The following BANP variants were observed in gnomAD, a reference collection of about 807,000 sequenced individuals.
The protein encoded by BANP is protein BANP.
Under a neutral mutation model 68.1 loss-of-function variants are expected in BANP, and 11 were observed. That is an observed-to-expected ratio of 0.16 (90% confidence interval 0.10 to 0.27). BANP has a LOEUF of 0.27. BANP is among the 10% of genes least tolerant of loss of function. The probability of loss-of-function intolerance (pLI) is 1.00; values close to 1 mark genes in which losing one functional copy is unlikely to be tolerated. For missense variants in BANP, 504 were observed against 722.7 expected, an observed-to-expected ratio of 0.70 and a Z score of 3.47; for synonymous variants, 329 against 303.2, an observed-to-expected ratio of 1.09 and a Z score of -0.88.
chr16:87,975,492 G>A lies in BANP; in HGVS notation c.70+307G>A, dbSNP rs529928160. On this transcript the variant is annotated intron_variant, in intron 2 of 13. Transcript: ENST00000682872. ...CCCCTGCCGCGTCCCTGTGTGCGGCGTCGTGGATCTTTACCATGTTGTATG... is the reference window on the plus strand; with the variant it reads ...CCCCTGCCGCGTCCCTGTGTGCGGCATCGTGGATCTTTACCATGTTGTATG... Among the ~76,000 whole-genome samples the A allele has an allele frequency of 5.3e-5, 8 of 152,306 alleles. No individual in the cohort carries two copies. The East Asian group carries it at 5.8e-4, about 11-fold the overall frequency.
intron 7 of BANP, among the ~76,000 whole-genome samples, chr16:88,025,373 G>C (rs2076791357): frequency 6.6e-6 from 1 of 152,218 alleles, no homozygotes; most frequent in Admixed American, 6.5e-5. Flanking sequence ...TGCTCAGCCT[G>C]GGGCTTCCTG....
chr16:88,046,882 C>G (rs987375125), intron 11 of BANP, among the ~76,000 whole-genome samples: 1 of 151,748 alleles, frequency 6.6e-6, no homozygotes, highest in Non-Finnish European at 1.5e-5. Context: ...CTGGCTAACA[C>G]GGTGAAACCC....
intron 6 of BANP, among the ~76,000 whole-genome samples, chr16:88,016,308 C>G (rs575980740): frequency 2.0e-5 from 3 of 152,360 alleles, no homozygotes; most frequent in South Asian, 4.1e-4. Flanking sequence ...ACTGTCCTCC[C>G]ACATCTTGGG....
At chr16:87,997,715 G>A (rs1361566422) in intron 4 of BANP, among the ~76,000 whole-genome samples, 1 of 152,112 alleles carries the variant, frequency 6.6e-6, no homozygotes, top group East Asian at 1.9e-4. Context: ...CAGGATAGCT[G>A]GGTGAGACCA....
intron 1 of BANP, among the ~76,000 whole-genome samples, chr16:87,961,969 G>A (rs1409653196): frequency 1.3e-5 from 2 of 152,170 alleles, no homozygotes; most frequent in Non-Finnish European, 1.5e-5. Context: ...GCTGGGCGCA[G>A]TGGCTCATTC....
chr16:88,071,341 G>A lies in BANP; in HGVS notation c.1378-728G>A. On this transcript the variant is annotated intron_variant, in intron 12 of 13. Transcript: ENST00000682872. This position sits in a 1 kb window ranked among gnomAD's most constrained non-coding sequence, Gnocchi z 6.5. Reference sequence around the variant, plus strand: ...TGACACCGGAGCTGCCTGCCTGGATGTTGGAGCGCCCAGTGGATTGAGTGG... The same window carrying A: ...TGACACCGGAGCTGCCTGCCTGGATATTGGAGCGCCCAGTGGATTGAGTGG... The A allele has an allele frequency of 5.3e-6, 2 of 379,906 alleles. No homozygotes were observed. The highest frequency in any genetic ancestry group is 3.9e-5 in the South Asian group (2 of 51,144). The allele number at this position is 379,906 out of a possible 1,614,324, so 23.5% of individuals were successfully genotyped here. A position where few individuals can be genotyped will look rare whatever the true frequency, so the allele number is the denominator to read the frequency against.
intron 1 of BANP, among the ~76,000 whole-genome samples, chr16:87,963,820 A>G (rs1177132785): frequency 1.3e-5 from 2 of 152,224 alleles, no homozygotes; most frequent in East Asian, 1.9e-4. Context: ...CTGATAATCT[A>G]TAGCAGTTTG....
chr16:88,063,277 C>T (rs951071291), intron 11 of BANP, among the ~76,000 whole-genome samples: 2 of 152,248 alleles, frequency 1.3e-5, no homozygotes, highest in Non-Finnish European at 2.9e-5. Flanking sequence ...CTCAGCCCTC[C>T]CCTCCCCTCC....
Position 87,951,535 on chromosome 16 carries a change from C to G in BANP, c.-69+20C>G, listed in dbSNP as rs1285344354. On this transcript the variant is annotated intron_variant, in intron 1 of 13. Transcript: ENST00000682872. ...CACACGGTAATTGCAGCTCCCGCAG[C>G]CGGTCGCGCCTCCGCCTCCCCCTTC... 6.5e-6 allele frequency: 1 copy of G among 152,868 alleles called. No individual in the cohort carries two copies. Among genetic ancestry groups the G allele is most frequent in the Non-Finnish European group, 1.5e-5 (1 of 67,860 alleles). 9.5% of individuals were successfully genotyped at this position (152,868 alleles called of 1,614,324 possible). A position where few individuals can be genotyped will look rare whatever the true frequency, so the allele number is the denominator to read the frequency against.
intron 4 of BANP, among the ~76,000 whole-genome samples, chr16:87,990,515 T>C (rs1346946634): frequency 6.6e-6 from 1 of 152,164 alleles, no homozygotes; most frequent in Non-Finnish European, 1.5e-5. Context: ...GGTAAACCAG[T>C]TTTTTCAGTT....
Position 88,035,343 on chromosome 16 carries a change from C to T in BANP, c.1221C>T (p.His407=), listed in dbSNP as rs1417034906. 7 of 1,611,632 alleles carry T rather than the reference C, an allele frequency of 4.3e-6. No individual in the cohort carries two copies. In the South Asian group the frequency reaches 7.7e-5, roughly 18 times the overall value. The change falls in exon 10 of 14, where the codon CAC becomes CAT. Residue 407 remains histidine, a synonymous_variant. Transcript: ENST00000682872. ...QVQVIPQGHL[H]IAQVPQGEQV... ...TGCGGATCCCACAGGGACACCTCCA[C>T]ATCGCCCAGGTGCCGCAGGGGGAGC...
intron 13 of BANP, among the ~76,000 whole-genome samples, chr16:88,073,492 A>C (rs1261712499): frequency 6.6e-6 from 1 of 152,084 alleles, no homozygotes; most frequent in Admixed American, 6.5e-5. Flanking sequence ...CGCCGACCTC[A>C]CTGGAGATGC....
At chr16:87,950,862 A>T (rs1269101964), upstream of BANP, 1 of 152,148 alleles carries the variant, frequency 6.6e-6, no homozygotes, top group African/African-American at 2.4e-5. Context: ...ACCCCTGACC[A>T]CTTATGTCAG....
intron 11 of BANP, among the ~76,000 whole-genome samples, chr16:88,046,390 A>C (rs1237002139): frequency 1.3e-5 from 2 of 152,230 alleles, no homozygotes; most frequent in African/African-American, 4.8e-5. Context: ...ATCTGACTAC[A>C]AAGTTCATTC....
At chr16:87,986,892 A>G (rs1319311545) in intron 4 of BANP, among the ~76,000 whole-genome samples, 1 of 152,180 alleles carries the variant, frequency 6.6e-6, no homozygotes, top group Non-Finnish European at 1.5e-5. Context: ...AAATCAACCT[A>G]TTGTAGAATA....
chr16:87,966,200 G>A (rs891269124), intron 1 of BANP, among the ~76,000 whole-genome samples: 1 of 152,148 alleles, frequency 6.6e-6, no homozygotes, highest in Non-Finnish European at 1.5e-5. Flanking sequence ...CTGGATGGGC[G>A]TGGATTCTTC....
chr16:87,956,792 C>G (rs948752810), intron 1 of BANP: 1 of 152,148 alleles, frequency 6.6e-6, no homozygotes, highest in Non-Finnish European at 1.5e-5. Context: ...ACTCTGGCCC[C>G]CCCTTTGGAA....
At chr16:88,059,204 G>C (rs2086011968) in intron 11 of BANP, among the ~76,000 whole-genome samples, 1 of 141,852 alleles carries the variant, frequency 7.0e-6, no homozygotes, top group African/African-American at 2.6e-5. Flanking sequence ...ACCTTGAGGA[G>C]AGTAGGGATG....
chr16:87,983,954 T>C (rs2063792880), intron 3 of BANP, 106 bp from the exon 4 acceptor site: 1 of 1,427,924 alleles, frequency 7.0e-7, no homozygotes, highest in Non-Finnish European at 9.4e-7. Flanking sequence ...TTGTTCTGTC[T>C]GAATAGATAG....
Sources: allele counts gnomAD v4.1 joint callset (sites outside exome capture counted in the v4.1 genomes callset), GRCh38; gene constraint gnomAD v4.1.1; non-coding constraint Gnocchi (gnomAD v3.1); transcripts MANE v1.5; gene names NCBI Gene and HGNC (gene_info 2026-07-23, HGNC 2026-07-21).